Variants in DPYD observed in about 807,000 individuals in gnomAD.
DPYD encodes the protein dihydropyrimidine dehydrogenase, also known as dihydropyrimidine dehydrogenase [NADP(+)].
A neutral mutation model predicts 116.2 loss-of-function variants in DPYD; 109 were observed. The ratio of observed to expected loss-of-function variants is 0.94; its 90% CI spans 0.80 to 1.10. The LOEUF is 1.10. Ranked by LOEUF, DPYD falls within the 50% of genes least tolerant of loss-of-function variation. The pLI is 0.00. For missense variants in DPYD, 1,302 were observed against 1,254.5 expected, an observed-to-expected ratio of 1.04 and a Z score of -0.57; for synonymous variants, 440 against 432.0, an observed-to-expected ratio of 1.02 and a Z score of -0.23.
At chr1:97,122,759 C>CT (rs1652547044) in intron 20 of DPYD, among the ~76,000 whole-genome samples, 1 of 152,106 alleles carries the variant, frequency 6.6e-6, no homozygotes, top group African/African-American at 2.4e-5. Flanking sequence ...ATATCACTTA[C>CT]TCTATCCCTT....
chr1:97,630,897 C>T (rs1299010855), intron 8 of DPYD, among the ~76,000 whole-genome samples: 1 of 152,008 alleles, frequency 6.6e-6, no homozygotes, highest in Non-Finnish European at 1.5e-5. Flanking sequence ...TTACAAAGCC[C>T]ATCAATAGGA....
At chr1:97,126,409 A>G (rs1422385464) in intron 20 of DPYD, among the ~76,000 whole-genome samples, 1 of 152,130 alleles carries the variant, frequency 6.6e-6, no homozygotes, top group African/African-American at 2.4e-5. Flanking sequence ...CCACTTGTTC[A>G]CACTCAAGCT....
chr1:97,546,880 G>A (rs895316246), intron 12 of DPYD: 8 of 1,609,574 alleles, frequency 5.0e-6, no homozygotes, highest in African/African-American at 2.7e-5. Context: ...TACAGCAATA[G>A]AGGGGGATGA....
At chr1:97,781,650 G>A (rs151143247) in intron 3 of DPYD, among the ~76,000 whole-genome samples, 2 of 152,118 alleles carry the variant, frequency 1.3e-5, no homozygotes, top group Admixed American at 6.5e-5. Flanking sequence ...CTGAGTTCCT[G>A]AGAGTATCCA....
chr1:97,522,985 G>A (rs892352595), intron 12 of DPYD, among the ~76,000 whole-genome samples: 1 of 151,978 alleles, frequency 6.6e-6, no homozygotes, highest in Non-Finnish European at 1.5e-5. Context: ...TGAGGAATCC[G>A]CTAACATAGT....
chr1:97,716,495 A>G (rs1383172902), intron 5 of DPYD, among the ~76,000 whole-genome samples: 2 of 152,102 alleles, frequency 1.3e-5, no homozygotes, highest in African/African-American at 2.4e-5. Flanking sequence ...CATACATATG[A>G]TCTTACTGTA....
intron 8 of DPYD, among the ~76,000 whole-genome samples, chr1:97,676,879 T>C (rs905902719): frequency 6.6e-6 from 1 of 152,204 alleles, no homozygotes. Context: ...AAATAGAGCA[T>C]AACTGCATTC....
Position 97,229,546 on chromosome 1 carries a change from G to C in DPYD, c.2442+5306C>G, listed in dbSNP as rs1294525561. 6.5e-3 allele frequency among the ~76,000 whole-genome samples: 379 copies of C among 58,174 alleles called. 5 individuals carry two copies. Among genetic ancestry groups the C allele is most frequent in the Non-Finnish European group, 9.5e-3 (261 of 27,538 alleles). The allele number at this position is 58,174 out of a possible 152,430, so 38.2% of individuals were successfully genotyped here. Reference sequence around the variant, plus strand: ...ATTTCCCACCTTATGACCATCCTAAGTATATATATATATATATATATATAT... The same window carrying C: ...ATTTCCCACCTTATGACCATCCTAACTATATATATATATATATATATATAT... On this transcript the variant is annotated intron_variant, in intron 19 of 22. Transcript: ENST00000370192.
chr1:97,637,198 A>G (rs1343435284), intron 8 of DPYD, among the ~76,000 whole-genome samples: 1 of 152,104 alleles, frequency 6.6e-6, no homozygotes, highest in Non-Finnish European at 1.5e-5. Flanking sequence ...AAGAAGAAGG[A>G]AAAACCACAC....
intron 3 of DPYD, among the ~76,000 whole-genome samples, chr1:97,823,864 CTTTTTTTTT>C (rs56673700): frequency 1.2e-5 from 1 of 81,714 alleles, no homozygotes; most frequent in African/African-American, 4.6e-5. Flanking sequence ...ACTACAAAGT[CTTTTTTTTT>C]TTTTTTTTTT....
At chr1:97,244,925 T>C (rs1355461311) in intron 18 of DPYD, among the ~76,000 whole-genome samples, 1 of 152,074 alleles carries the variant, frequency 6.6e-6, no homozygotes, top group Admixed American at 6.6e-5. Context: ...CTAAGATCCA[T>C]TGATGTGGGA....
intron 8 of DPYD, among the ~76,000 whole-genome samples, chr1:97,633,901 T>C (rs768883284): frequency 1.3e-5 from 2 of 152,070 alleles, no homozygotes; most frequent in African/African-American, 2.4e-5. Context: ...GACTCCCCAT[T>C]TGCAGTGATA....
At chr1:97,728,667 G>T (rs1400079858) in intron 4 of DPYD, among the ~76,000 whole-genome samples, 3 of 151,940 alleles carry the variant, frequency 2.0e-5, no homozygotes, top group Non-Finnish European at 4.4e-5. Flanking sequence ...AAACACTTGG[G>T]CTAAACTTCA....
intron 1 of DPYD, among the ~76,000 whole-genome samples, chr1:97,890,266 G>C (rs572267276): frequency 6.6e-6 from 1 of 151,888 alleles, no homozygotes; most frequent in Admixed American, 6.6e-5. Context: ...TTTGTGAACT[G>C]TATATCAATA....
chr1:97,225,536 A>G (rs1661086740), intron 19 of DPYD, among the ~76,000 whole-genome samples: 1 of 149,040 alleles, frequency 6.7e-6, no homozygotes, highest in African/African-American at 2.5e-5. Flanking sequence ...AAAGATCCTG[A>G]GTAAAAAATT....
chr1:97,115,094 A>G (rs1399386124), intron 20 of DPYD, among the ~76,000 whole-genome samples: 2 of 152,166 alleles, frequency 1.3e-5, no homozygotes, highest in African/African-American at 4.8e-5. Context: ...GGATGTCTTT[A>G]AGTTACGGCC....
chr1:97,775,580 G>C (rs1469639989), intron 3 of DPYD, among the ~76,000 whole-genome samples: 1 of 151,872 alleles, frequency 6.6e-6, no homozygotes, highest in African/African-American at 2.4e-5. Context: ...TTCTCTTTGG[G>C]GTATACCTAT....
At chr1:97,352,916 C>T (rs533955900) in intron 16 of DPYD, among the ~76,000 whole-genome samples, 2 of 151,908 alleles carry the variant, frequency 1.3e-5, no homozygotes, top group Admixed American at 1.3e-4. Flanking sequence ...GTAAGGCAAA[C>T]GACGCATGAC....
intron 8 of DPYD, among the ~76,000 whole-genome samples, chr1:97,634,509 A>C: frequency 6.6e-6 from 1 of 152,176 alleles, no homozygotes; most frequent in East Asian, 1.9e-4. Context: ...ACAATAGAAA[A>C]CATATATAAT....
Sources: allele counts gnomAD v4.1 joint callset (sites outside exome capture counted in the v4.1 genomes callset), GRCh38; gene constraint gnomAD v4.1.1; transcripts MANE v1.5; gene names NCBI Gene and HGNC (gene_info 2026-07-23, HGNC 2026-07-21).